TUSC3: variants seen among roughly 807,000 people sequenced by gnomAD.
TUSC3 encodes the protein dolichyl-diphosphooligosaccharide--protein glycosyltransferase subunit TUSC3.
In TUSC3, 45 loss-of-function variants were observed where a neutral mutation model predicts 44.8. The ratio of observed to expected loss-of-function variants is 1.00; its 90% CI spans 0.79 to 1.29. The LOEUF is 1.29. Among genes scored for constraint, TUSC3 ranks in the 50% most tolerant of loss-of-function variants. The pLI, the probability that TUSC3 is intolerant of heterozygous loss-of-function variation, is 0.00. For missense variants in TUSC3, 519 were observed against 437.9 expected (o/e 1.19, Z -1.65); for synonymous variants, 212 against 152.9 (o/e 1.39, Z -2.85).
intron 1 of TUSC3, among the ~76,000 whole-genome samples, chr8:15,570,302 A>ACACACACACT (rs1491248159): frequency 1.4e-5 from 2 of 142,358 alleles, no homozygotes; most frequent in Admixed American, 7.1e-5. Context: ...ACACACACAC[A>ACACACACACT]CTCTTACTGA....
chr8:15,471,418 A>G (rs555989739), intron 1 of TUSC3, among the ~76,000 whole-genome samples: 3 of 152,320 alleles, frequency 2.0e-5, no homozygotes, highest in African/African-American at 7.2e-5. Context: ...CCTATTGAGG[A>G]TGTTAAGTGA....
At chr8:15,496,282 T>G (rs1051670103) in intron 2 of TUSC3, among the ~76,000 whole-genome samples, 1 of 152,212 alleles carries the variant, frequency 6.6e-6, no homozygotes, top group Admixed American at 6.5e-5. Context: ...TGTTCTGCCC[T>G]CTGCTAAAGC....
At position 15,722,199 on chromosome 8, in the gene TUSC3, C is replaced by T. The variant is rs535310648; in HGVS notation, c.799-8467C>T. On this transcript the variant is annotated intron_variant, in intron 6 of 10. Coordinates refer to ENST00000503731, the MANE Select transcript of TUSC3 (RefSeq NM_006765.4). ...GAGGGGCAGCTATCGTGAATTATTT[C>T]AGCATAGTCTGCTTAGGGTTTCCTT... Among the ~76,000 whole-genome samples the T allele has an allele frequency of 3.3e-5, 5 of 150,144 alleles. No individual in the cohort carries two copies. In the East Asian group the frequency reaches 9.8e-4, roughly 29 times the overall value.
chr8:15,544,211 T>C (rs987355839), intron 1 of TUSC3, among the ~76,000 whole-genome samples: 24 of 152,074 alleles, frequency 1.6e-4, no homozygotes, highest in Admixed American at 4.6e-4. Context: ...GCCTATCTAG[T>C]GCATCTTGTG....
At chr8:15,483,935 G>A (rs1352788607) in intron 2 of TUSC3, among the ~76,000 whole-genome samples, 1 of 152,032 alleles carries the variant, frequency 6.6e-6, no homozygotes, top group South Asian at 2.1e-4. Flanking sequence ...GGGATTACAG[G>A]CGTGAGCCAC....
chr8:15,782,426 C>G, the TUSC3 span, among the ~76,000 whole-genome samples: 4 of 152,112 alleles, frequency 2.6e-5, no homozygotes, highest in African/African-American at 9.7e-5. Context: ...CTGCAGTGAG[C>G]TATAAATGCA....
chr8:15,490,768 C>T (rs1800797767), intron 2 of TUSC3, among the ~76,000 whole-genome samples: 1 of 152,236 alleles, frequency 6.6e-6, no homozygotes, highest in African/African-American at 2.4e-5. Context: ...AGAAAGTCAC[C>T]AAAACAATCT....
intron 1 of TUSC3, among the ~76,000 whole-genome samples, chr8:15,434,790 G>A (rs1052999596): frequency 6.6e-6 from 1 of 151,826 alleles, no homozygotes; most frequent in Non-Finnish European, 1.5e-5. Flanking sequence ...GTGGTGTTTG[G>A]TTTTTTGTGC....
chr8:15,637,528 T>C (rs1316490581), intron 2 of TUSC3, among the ~76,000 whole-genome samples: 1 of 152,236 alleles, frequency 6.6e-6, no homozygotes, highest in East Asian at 1.9e-4. Context: ...GAGTATTTTG[T>C]TTCAGTTTTC....
intron 2 of TUSC3, among the ~76,000 whole-genome samples, chr8:15,516,842 G>A (rs1383420749): frequency 6.6e-6 from 1 of 152,116 alleles, no homozygotes; most frequent in African/African-American, 2.4e-5. Context: ...ATTTCCAAAT[G>A]AGTCTATGAT....
the TUSC3 span, among the ~76,000 whole-genome samples, chr8:15,836,641 C>T: frequency 0.01 from 1,543 of 152,116 alleles, 32 homozygotes; most frequent in African/African-American, 0.035. Flanking sequence ...AATTCTTTTG[C>T]GTGACTTCCT....
chr8:15,447,121 A>C (rs1049366113), intron 1 of TUSC3, among the ~76,000 whole-genome samples: 1 of 152,268 alleles, frequency 6.6e-6, no homozygotes, highest in African/African-American at 2.4e-5. Flanking sequence ...TCATATGCAT[A>C]ATAAGTATAC....
At chr8:15,775,686 ATG>A in the TUSC3 span, among the ~76,000 whole-genome samples, 53,896 of 146,086 alleles carry the variant, frequency 0.37, 10,651 homozygotes, top group Non-Finnish European at 0.45. Context: ...ATAAATACAT[ATG>A]TACACACACA....
intron 5 of TUSC3, among the ~76,000 whole-genome samples, chr8:15,667,859 G>A (rs2129181637): frequency 6.6e-6 from 1 of 151,888 alleles, no homozygotes; most frequent in South Asian, 2.1e-4. Flanking sequence ...AGTTGCTGTA[G>A]TTACAGTGGG....
At chr8:15,656,906 G>T (rs1480742232) in intron 3 of TUSC3, among the ~76,000 whole-genome samples, 1 of 152,190 alleles carries the variant, frequency 6.6e-6, no homozygotes, top group African/African-American at 2.4e-5. Flanking sequence ...AAGGCTCATG[G>T]CTTGCACCCT....
chr8:15,538,357 C>T (rs62502551), upstream of TUSC3, among the ~76,000 whole-genome samples: 28,179 of 152,152 alleles, frequency 0.19, 3,512 homozygotes, highest in Non-Finnish European at 0.27. Context: ...TTTATTTTGT[C>T]TAAAGTTTTT....
chr8:15,703,669 T>C (rs1364090954), intron 6 of TUSC3, among the ~76,000 whole-genome samples: 1 of 152,172 alleles, frequency 6.6e-6, no homozygotes, highest in African/African-American at 2.4e-5. Flanking sequence ...AGCCAGCATG[T>C]GTAGCAATCA....
chr8:15,672,007 G>T (rs1807969449), intron 5 of TUSC3, among the ~76,000 whole-genome samples: 1 of 151,910 alleles, frequency 6.6e-6, no homozygotes, highest in Non-Finnish European at 1.5e-5. Flanking sequence ...AACTGGAAAG[G>T]TTCCATGGAG....
At chr8:15,564,106 ATT>A (rs2129141045) in intron 1 of TUSC3, among the ~76,000 whole-genome samples, 1 of 152,246 alleles carries the variant, frequency 6.6e-6, no homozygotes, top group East Asian at 1.9e-4. Context: ...AAGTTTCAAA[ATT>A]TTTAAAAAGT....
Sources: allele counts gnomAD v4.1 joint callset (sites outside exome capture counted in the v4.1 genomes callset), GRCh38; gene constraint gnomAD v4.1.1; transcripts MANE v1.5; gene names NCBI Gene and HGNC (gene_info 2026-07-23, HGNC 2026-07-21).